The following ZNF367 variants were observed in gnomAD, a reference collection of about 807,000 sequenced individuals.
The protein encoded by ZNF367 is zinc finger protein 367, also known as C2H2 zinc finger protein ZFF29.
Under a neutral mutation model 31.8 loss-of-function variants are expected in ZNF367, and 11 were observed. The observed-to-expected ratio is 0.35, with a 90% CI of 0.22 to 0.57. The LOEUF (loss-of-function observed/expected upper bound fraction) is 0.57, where lower values mean the gene tolerates loss of function less well. ZNF367 is among the 20% of genes least tolerant of loss of function. The probability of loss-of-function intolerance (pLI) is 0.85; values close to 1 mark genes in which losing one functional copy is unlikely to be tolerated. For synonymous variants in ZNF367, 199 were observed against 202.4 expected (o/e 0.98, Z 0.14); for missense variants, 353 against 484.1 (o/e 0.73, Z 2.54).
chr9:96,415,362 G>A (rs1831806913), intron 1 of ZNF367, among the ~76,000 whole-genome samples: 1 of 148,510 alleles, frequency 6.7e-6, no homozygotes. Context: ...CCACCCACCC[G>A]GTGGATACCG....
intron 1 of ZNF367, among the ~76,000 whole-genome samples, chr9:96,415,963 C>A (rs899682754): frequency 5.3e-5 from 8 of 151,532 alleles, no homozygotes; most frequent in Non-Finnish European, 1.0e-4. Context: ...CCGCCAGATG[C>A]GGTCTATGTT....
intron 4 of ZNF367, 77 bp from the exon 5 acceptor site, chr9:96,388,536 C>A: frequency 7.8e-7 from 1 of 1,281,864 alleles, no homozygotes; most frequent in Non-Finnish European, 1.1e-6. Flanking sequence ...TAAAAAGTTC[C>A]ATACCACAAT....
At chr9:96,395,992 A>G (rs1330808000) in intron 2 of ZNF367, among the ~76,000 whole-genome samples, 2 of 152,242 alleles carry the variant, frequency 1.3e-5, no homozygotes, top group East Asian at 3.8e-4. Flanking sequence ...GACATAATAA[A>G]TGGTTGTGAT....
chr9:96,402,776 C>G (rs1301953231), intron 1 of ZNF367, among the ~76,000 whole-genome samples: 8 of 151,188 alleles, frequency 5.3e-5, no homozygotes, highest in Non-Finnish European at 1.5e-5. Context: ...CCAGTTAATA[C>G]CCTACTTTCA....
chr9:96,402,433 C>CTTCT (rs1436375583), intron 1 of ZNF367, among the ~76,000 whole-genome samples: 19 of 144,028 alleles, frequency 1.3e-4, no homozygotes, highest in Admixed American at 2.1e-4. Context: ...ACTTCCTTTA[C>CTTCT]TTCTTTCTTT....
chr9:96,388,634 G>A (rs1407564648), intron 4 of ZNF367, among the ~76,000 whole-genome samples, 175 bp from the exon 5 acceptor site: 3 of 152,192 alleles, frequency 2.0e-5, no homozygotes, highest in African/African-American at 2.4e-5. Context: ...GAAGTTCAAC[G>A]AGGTTAAGAG....
intron 2 of ZNF367, among the ~76,000 whole-genome samples, chr9:96,397,544 T>A (rs1015924393): frequency 1.3e-5 from 2 of 152,208 alleles, no homozygotes; most frequent in African/African-American, 4.8e-5. Context: ...TAGATAAAAG[T>A]ATATCAAGTA....
chr9:96,392,128 A>C (rs1183332932), intron 4 of ZNF367, among the ~76,000 whole-genome samples: 2 of 152,294 alleles, frequency 1.3e-5, no homozygotes, highest in South Asian at 2.1e-4. Flanking sequence ...AATACATATA[A>C]AACATTTTTT....
chr9:96,393,517 C>T (rs1831496184), intron 3 of ZNF367, among the ~76,000 whole-genome samples: 1 of 145,720 alleles, frequency 6.9e-6, no homozygotes, highest in East Asian at 2.1e-4. Context: ...GAGACTCCAT[C>T]TCAAAACAAT....
At chr9:96,389,842 G>A (rs969157902) in intron 4 of ZNF367, among the ~76,000 whole-genome samples, 2 of 151,114 alleles carry the variant, frequency 1.3e-5, no homozygotes, top group African/African-American at 4.9e-5. Flanking sequence ...CTATTCTCGT[G>A]CCTCAGCCTC....
chr9:96,409,745 C>CT (rs1831717885), intron 1 of ZNF367, among the ~76,000 whole-genome samples: 1 of 152,202 alleles, frequency 6.6e-6, no homozygotes, highest in African/African-American at 2.4e-5. Flanking sequence ...TAGCTCAAGT[C>CT]TTGCTTGCTA....
At chr9:96,393,225 A>C (rs1404541291) in intron 3 of ZNF367, among the ~76,000 whole-genome samples, 2 of 152,056 alleles carry the variant, frequency 1.3e-5, no homozygotes, top group African/African-American at 4.8e-5. Context: ...ACATTTAAAA[A>C]ACAAATTAAA....
chr9:96,392,593 T>C, intron 3 of ZNF367, 57 bp from the exon 4 acceptor site: 1 of 1,530,172 alleles, frequency 6.5e-7, no homozygotes, highest in South Asian at 1.3e-5. Flanking sequence ...CATAGACATG[T>C]GGAAAACATT....
intron 1 of ZNF367, chr9:96,407,145 C>A: frequency 1.7e-6 from 1 of 594,232 alleles, no homozygotes; most frequent in Non-Finnish European, 3.0e-6. Flanking sequence ...CATAGCAAGA[C>A]CCCATCTCTA....
chr9:96,400,848 C>T (rs1026706996), intron 1 of ZNF367, among the ~76,000 whole-genome samples: 4 of 151,904 alleles, frequency 2.6e-5, no homozygotes, highest in Admixed American at 6.6e-5. Flanking sequence ...GCTCAATACA[C>T]TTCAAGAAAA....
intron 1 of ZNF367, 22 bp from the exon 2 acceptor site, chr9:96,398,336 A>G: frequency 6.3e-7 from 1 of 1,584,454 alleles, no homozygotes; most frequent in South Asian, 1.2e-5. Flanking sequence ...TTTTATAAAC[A>G]TTAATATAAT....
At chr9:96,416,087 G>GTTTT (rs34500193) in intron 1 of ZNF367, among the ~76,000 whole-genome samples, 4 of 125,066 alleles carry the variant, frequency 3.2e-5, no homozygotes, top group Non-Finnish European at 3.4e-5. Context: ...TTTTTTTGTT[G>GTTTT]TTTTTTTTTT....
At chr9:96,404,738 A>C (rs191210807) in intron 1 of ZNF367, among the ~76,000 whole-genome samples, 1 of 152,346 alleles carries the variant, frequency 6.6e-6, no homozygotes, top group East Asian at 1.9e-4. Flanking sequence ...CCAAGAGCTA[A>C]GCAACAAAAG....
chr9:96,405,719 T>C (rs1831664553), intron 1 of ZNF367, among the ~76,000 whole-genome samples: 1 of 152,238 alleles, frequency 6.6e-6, no homozygotes, highest in Non-Finnish European at 1.5e-5. Flanking sequence ...TGTGACTTCA[T>C]TTAATGAAAT....
Sources: gnomAD v4.1 joint callset for allele counts (sites outside exome capture counted in the v4.1 genomes callset) on GRCh38, gnomAD v4.1.1 for gene constraint, MANE v1.5 for transcripts, NCBI Gene and HGNC (gene_info 2026-07-23, HGNC 2026-07-21) for gene names.